PPFIBP2: variants seen among roughly 807,000 people sequenced by gnomAD.
PPFIBP2 encodes the protein PPFIB scaffold protein 2.
PPFIBP2 carries 118 observed loss-of-function variants against 118.3 expected under a neutral mutation model. That is an observed-to-expected ratio of 1.00 (90% CI 0.86 to 1.16). The LOEUF is 1.16. Among genes scored for constraint, PPFIBP2 ranks in the 50% most tolerant of loss-of-function variants. PPFIBP2 has a pLI of 0.00. For synonymous variants in PPFIBP2, 414 were observed against 397.4 expected (o/e 1.04, Z -0.50); for missense variants, 1,195 against 1,073.1 (o/e 1.11, Z -1.59).
intron 5 of PPFIBP2, chr11:7,606,150 A>C: frequency 9.3e-7 from 1 of 1,076,326 alleles, no homozygotes; most frequent in East Asian, 2.8e-5. Context: ...CGGGGGGCAA[A>C]ATACTGGCTT....
intron 3 of PPFIBP2, chr11:7,573,888 AC>A (rs1855951884): frequency 6.6e-6 from 1 of 152,220 alleles, no homozygotes. Flanking sequence ...ACAGCACGTG[AC>A]CATGAGATTC....
At chr11:7,643,010 C>T (rs929679356) in intron 17 of PPFIBP2, among the ~76,000 whole-genome samples, 2 of 152,130 alleles carry the variant, frequency 1.3e-5, no homozygotes, top group Non-Finnish European at 2.9e-5. Flanking sequence ...ATTTATTCTT[C>T]GATGAGTATC....
chr11:7,570,796 C>A lies in PPFIBP2; in HGVS notation c.279+5029C>A, dbSNP rs563362649. 9.2e-3 allele frequency among the ~76,000 whole-genome samples: 1,361 copies of A among 147,286 alleles called. 15 individuals carry two copies. The highest frequency in any genetic ancestry group is 0.014 in the Middle Eastern group (4 of 286). On this transcript the variant is annotated intron_variant, in intron 3 of 23. Coordinates refer to ENST00000299492, the MANE Select transcript of PPFIBP2 (RefSeq NM_003621.5). ...GGCCAGGGTTCTACCCTGGCTCTAC[C>A]ACTCATGAGCCTCTTCTTCACTTCT...
chr11:7,632,857 T>A lies in PPFIBP2; in HGVS notation c.1069-10T>A. ...TGTCCTCTACCGTGACTCTTCTGTC[T>A]CTGGTGCAGATGCCTCCAAGATGTA... is the stretch of plus-strand genomic sequence containing the variant. On this transcript the variant is annotated splice_polypyrimidine_tract_variant and intron_variant, in intron 11 of 23. Transcript: ENST00000299492. 2.5e-6 allele frequency: 4 copies of A among 1,610,926 alleles called. No individual in the cohort carries two copies. The highest frequency in any genetic ancestry group is 3.4e-6 in the Non-Finnish European group (4 of 1,177,158).
At position 7,620,967 on chromosome 11, in the gene PPFIBP2, C is replaced by CA. The variant is rs1849283153; in HGVS notation, c.654dup (p.Val219SerfsTer7). 2 of 1,612,998 alleles carry CA rather than the reference C, an allele frequency of 1.2e-6. No homozygotes were observed. The highest frequency in any genetic ancestry group is 1.3e-5 in the African/African-American group (1 of 74,852). ...TGCAAGAGCTCAGGCACCTCAAAAT[C>CA]AAAGTGGAAGAGTTGGAAAATGAAA... On this transcript the variant is annotated frameshift_variant, in exon 7 of 24. Coordinates refer to ENST00000299492, the MANE Select transcript of PPFIBP2 (RefSeq NM_003621.5). LOFTEE classifies it high-confidence loss of function.
In PPFIBP2 at chr11:7,547,211, G is replaced by A. The variant is rs1278424029; in HGVS notation, c.-36-2229G>A. Among the ~76,000 whole-genome samples, 6 of 152,320 alleles carry A rather than the reference G, an allele frequency of 3.9e-5. No homozygotes were observed. In the East Asian group the frequency reaches 1.2e-3, roughly 29 times the overall value. On this transcript the variant is annotated intron_variant, in intron 1 of 23. Transcript: ENST00000299492. ...GCCCTCTCTGATACTTTGGATCTGAGACCTGAAGGATGAGAATAAATCAGC... is the reference window on the plus strand; with the variant it reads ...GCCCTCTCTGATACTTTGGATCTGAAACCTGAAGGATGAGAATAAATCAGC...
At chr11:7,582,270 G>A (rs1857387614) in intron 3 of PPFIBP2, among the ~76,000 whole-genome samples, 1 of 152,138 alleles carries the variant, frequency 6.6e-6, no homozygotes, top group Admixed American at 6.5e-5. Context: ...GAAAAGAGAG[G>A]TTTTTCAATC....
chr11:7,635,048 T>G (rs1197361663), intron 13 of PPFIBP2, among the ~76,000 whole-genome samples: 1 of 152,122 alleles, frequency 6.6e-6, no homozygotes, highest in Non-Finnish European at 1.5e-5. Flanking sequence ...TCTGGAAAGA[T>G]GGAGGAGGGT....
At chr11:7,622,193 A>C (rs1849429985) in intron 7 of PPFIBP2, among the ~76,000 whole-genome samples, 2 of 152,226 alleles carry the variant, frequency 1.3e-5, no homozygotes, top group South Asian at 4.1e-4. Flanking sequence ...GGCAGAAGGA[A>C]AAAGCAGGAG....
rs774328304 is a variant in PPFIBP2, at chr11:7,648,937, G to T, written c.1909+26G>T. Reference sequence around the variant, plus strand: ...GTAAGGATAGGCATATATGTATTAAGAATGTCTCTGGCAGCAACTAAGAGT... The same window carrying T: ...GTAAGGATAGGCATATATGTATTAATAATGTCTCTGGCAGCAACTAAGAGT... On this transcript the variant is annotated intron_variant, in intron 19 of 23. Coordinates refer to ENST00000299492, the MANE Select transcript of PPFIBP2 (RefSeq NM_003621.5). The T allele has an allele frequency of 8.9e-6, 14 of 1,581,520 alleles. No individual in the cohort carries two copies. The South Asian group carries it at 1.4e-4, about 16-fold the overall frequency.
chr11:7,649,687 C>A (rs369143336), intron 21 of PPFIBP2, 33 bp downstream of exon 21: 1 of 1,612,838 alleles, frequency 6.2e-7, no homozygotes, highest in African/African-American at 1.3e-5. Context: ...TCCAGGTAGC[C>A]CTGAGCCAGG....
intron 3 of PPFIBP2, among the ~76,000 whole-genome samples, chr11:7,586,223 A>G (rs1289441041): frequency 3.3e-5 from 5 of 152,310 alleles, no homozygotes; most frequent in African/African-American, 1.2e-4. Context: ...ACAGATCTTC[A>G]TAGATATTTC....
At chr11:7,631,501 G>A (rs577422667) in intron 11 of PPFIBP2, among the ~76,000 whole-genome samples, 1 of 152,078 alleles carries the variant, frequency 6.6e-6, no homozygotes, top group South Asian at 2.1e-4. Flanking sequence ...ACGCCCTTCA[G>A]CCCCTATAGC....
chr11:7,588,310 C>G (rs1169768723), intron 3 of PPFIBP2, among the ~76,000 whole-genome samples: 3 of 152,212 alleles, frequency 2.0e-5, no homozygotes, highest in Non-Finnish European at 2.9e-5. Context: ...AGTCAGTCCT[C>G]TCCCTCCTGG....
intron 3 of PPFIBP2, among the ~76,000 whole-genome samples, chr11:7,578,430 G>A (rs1460651338): frequency 1.3e-5 from 2 of 152,248 alleles, no homozygotes; most frequent in Non-Finnish European, 2.9e-5. Flanking sequence ...GAAGAACCAG[G>A]AAGTGTCCAG....
chr11:7,577,662 G>C (rs890809148), intron 3 of PPFIBP2: 8 of 455,728 alleles, frequency 1.8e-5, no homozygotes, highest in South Asian at 1.1e-4. Context: ...TGCTTTGTCT[G>C]GGTCTCCGTG....
rs1250548147 is a variant in PPFIBP2, at chr11:7,565,251, C to T, written c.65-302C>T. ...CATTGTGAGTGATTCAGCTGGGGTC[C>T]AGGTGGCCTTCCAGGTTTCTTTATT... is the stretch of plus-strand genomic sequence containing the variant. On this transcript the variant is annotated intron_variant, in intron 2 of 23. Coordinates refer to ENST00000299492, the MANE Select transcript of PPFIBP2 (RefSeq NM_003621.5). Among the ~76,000 whole-genome samples, 4 of 152,122 alleles carry T rather than the reference C, an allele frequency of 2.6e-5. No homozygotes were observed. In the East Asian group the frequency reaches 7.7e-4, roughly 29 times the overall value.
chr11:7,612,354 C>A (rs61888786), intron 6 of PPFIBP2, among the ~76,000 whole-genome samples: 15,715 of 152,102 alleles, frequency 0.1, 903 homozygotes, highest in African/African-American at 0.14. Context: ...CATTGGGCCA[C>A]TTTGGGTCAT....
At chr11:7,626,132 A>G (rs1178805146) in intron 8 of PPFIBP2, among the ~76,000 whole-genome samples, 2 of 152,166 alleles carry the variant, frequency 1.3e-5, no homozygotes, top group Non-Finnish European at 2.9e-5. Context: ...TCCCCTAACT[A>G]GAAGGTTTTT....
Sources: gnomAD v4.1 joint callset for allele counts (sites outside exome capture counted in the v4.1 genomes callset) on GRCh38, gnomAD v4.1.1 for gene constraint, MANE v1.5 for transcripts, NCBI Gene and HGNC (gene_info 2026-07-23, HGNC 2026-07-21) for gene names.